The following FAHD2A variants were observed in gnomAD, a reference collection of about 807,000 sequenced individuals.
The protein encoded by FAHD2A is oxaloacetate tautomerase FAHD2A, mitochondrial.
Under a neutral mutation model 33.4 loss-of-function variants are expected in FAHD2A, and 27 were observed. That is an observed-to-expected ratio of 0.81 (90% CI 0.60 to 1.11). The LOEUF (loss-of-function observed/expected upper bound fraction) is 1.11, where lower values mean the gene tolerates loss of function less well. Ranked by LOEUF, FAHD2A falls within the 50% of genes most tolerant of loss-of-function variation. FAHD2A has a pLI of 0.00. For missense variants in FAHD2A, 296 were observed against 395.0 expected, an observed-to-expected ratio of 0.75 and a Z score of 2.12; for synonymous variants, 130 against 153.3, an observed-to-expected ratio of 0.85 and a Z score of 1.12.
chr2:95,408,526 G>A (rs1204582043), intron 3 of FAHD2A, among the ~76,000 whole-genome samples: 1 of 152,224 alleles, frequency 6.6e-6, no homozygotes, highest in African/African-American at 2.4e-5. Context: ...CATGGCAGAA[G>A]GCAAGGAGGA....
At position 95,414,019 on chromosome 2, in the gene FAHD2A, G is replaced by A; in HGVS notation, c.*1062G>A. The A allele has an allele frequency of 6.9e-7, 1 of 1,453,256 alleles. No homozygotes were observed. Among genetic ancestry groups the A allele is most frequent in the Non-Finnish European group, 9.7e-7 (1 of 1,034,936 alleles). 90.0% of individuals were successfully genotyped at this position (1,453,256 alleles called of 1,614,324 possible). On this transcript the variant is annotated 3_prime_UTR_variant, in exon 8 of 8. Transcript: ENST00000233379. ...GCAAGCTTTGGGTCTGCACACTCTG[G>A]AAAGAAGAGAGAAGTGAAGGCTCTA...
chr2:95,413,145 TG>T lies in FAHD2A; in HGVS notation c.*189del. The T allele has an allele frequency of 9.1e-7, 1 of 1,099,060 alleles. No individual in the cohort carries two copies. The highest frequency in any genetic ancestry group is 1.3e-6 in the Non-Finnish European group (1 of 778,174). The allele number at this position is 1,099,060 out of a possible 1,614,324, so 68.1% of individuals were successfully genotyped here. A position where few individuals can be genotyped will look rare whatever the true frequency, so the allele number is the denominator to read the frequency against. ...GTCAAAGCAGCAGCTTTGCTTCTGC[TG>T]TTTGTCTTCTTTTGGGCTTTGTTTC... is the stretch of plus-strand genomic sequence containing the variant. On this transcript the variant is annotated 3_prime_UTR_variant, in exon 8 of 8. Coordinates refer to ENST00000233379, the MANE Select transcript of FAHD2A (RefSeq NM_016044.3).
chr2:95,406,799 T>G, intron 2 of FAHD2A, 142 bp from the exon 3 acceptor site: 1 of 1,432,708 alleles, frequency 7.0e-7, no homozygotes, highest in African/African-American at 1.4e-5. Context: ...TCAGTGATTT[T>G]CACACTGACT....
downstream of FAHD2A, among the ~76,000 whole-genome samples, chr2:95,420,302 TC>T (rs1481380456): frequency 6.6e-6 from 1 of 152,112 alleles, no homozygotes; most frequent in Non-Finnish European, 1.5e-5. Flanking sequence ...AGCAGGTCAC[TC>T]ATGAGACATG....
intron 2 of FAHD2A, 97 bp from the exon 3 acceptor site, chr2:95,406,844 A>G: frequency 6.8e-7 from 1 of 1,468,914 alleles, no homozygotes; most frequent in Non-Finnish European, 9.0e-7. Flanking sequence ...TAGATTTCAA[A>G]AAGCAAAACC....
intron 1 of FAHD2A, among the ~76,000 whole-genome samples, chr2:95,403,671 C>CA (rs1345350599): frequency 6.6e-6 from 1 of 152,218 alleles, no homozygotes; most frequent in African/African-American, 2.4e-5. Flanking sequence ...CCAAGGACTT[C>CA]ATGTCACCTG....
In FAHD2A at chr2:95,405,636, C is replaced by T. The variant is rs1338550576; in HGVS notation, c.78C>T (p.Asp26=). ...AQKWPFQPSR[D]MRLVQFRAPH... The stretch of plus-strand genomic sequence containing the variant: ...AGTGGCCCTTTCAACCCTCCAGAGA[C>T]ATGAGACTAGTGCAGTTCCGGGCAC... The change falls in exon 2 of 8, where the codon GAC becomes GAT. Residue 26 remains aspartate, a synonymous_variant. Coordinates refer to ENST00000233379, the MANE Select transcript of FAHD2A (RefSeq NM_016044.3). 1.2e-6 allele frequency: 2 copies of T among 1,614,104 alleles called. No homozygotes were observed. Among genetic ancestry groups the T allele is most frequent in the African/African-American group, 2.7e-5 (2 of 74,944 alleles).
chr2:95,413,884 A>C lies in FAHD2A; in HGVS notation c.*927A>C. ...GCCAGCCCTGTGGGGTGATGGGAACATAGCTGGGTTTCCCTGAGCCACTCT... is the reference window on the plus strand; with the variant it reads ...GCCAGCCCTGTGGGGTGATGGGAACCTAGCTGGGTTTCCCTGAGCCACTCT... On this transcript the variant is annotated 3_prime_UTR_variant, in exon 8 of 8. Coordinates refer to ENST00000233379, the MANE Select transcript of FAHD2A (RefSeq NM_016044.3). 1.1e-6 allele frequency: 1 copy of C among 898,026 alleles called. No homozygotes were observed. Among genetic ancestry groups the C allele is most frequent in the South Asian group, 1.4e-5 (1 of 72,628 alleles). The allele number at this position is 898,026 out of a possible 1,614,324, so 55.6% of individuals were successfully genotyped here. A position where few individuals can be genotyped will look rare whatever the true frequency, so the allele number is the denominator to read the frequency against.
chr2:95,421,097 A>G (rs1683309616), downstream of FAHD2A, among the ~76,000 whole-genome samples: 1 of 138,320 alleles, frequency 7.2e-6, no homozygotes, highest in Non-Finnish European at 1.5e-5. Context: ...TCCTGCCTGA[A>G]TGACAGGCAG....
chr2:95,418,251 TGTG>T (rs1200980058), downstream of FAHD2A, among the ~76,000 whole-genome samples: 3 of 146,546 alleles, frequency 2.0e-5, no homozygotes, highest in African/African-American at 7.5e-5. Context: ...TGGGGGTGGT[TGTG>T]TGTGTGTGTG....
chr2:95,406,840 T>G, intron 2 of FAHD2A, 101 bp from the exon 3 acceptor site: 1 of 1,468,132 alleles, frequency 6.8e-7, no homozygotes, highest in Admixed American at 2.6e-5. Context: ...GAAATAGATT[T>G]CAAAAAGCAA....
intron 2 of FAHD2A, 40 bp downstream of exon 2, chr2:95,405,843 G>A (rs1385383158): frequency 1.3e-6 from 2 of 1,527,212 alleles, no homozygotes. Context: ...CAGCTGCCCT[G>A]GTCCCCCTGC....
chr2:95,403,805 CT>C (rs148402966), intron 1 of FAHD2A, among the ~76,000 whole-genome samples: 202 of 152,342 alleles, frequency 1.3e-3, no homozygotes, highest in African/African-American at 4.6e-3. Context: ...CAGTACCTAC[CT>C]TCCACAATTG....
chr2:95,418,100 A>G (rs1263182127), downstream of FAHD2A, among the ~76,000 whole-genome samples: 1 of 152,018 alleles, frequency 6.6e-6, no homozygotes, highest in African/African-American at 2.4e-5. Context: ...GCCACAATTC[A>G]CTGGATTAAT....
At chr2:95,419,607 G>C (rs899398965), downstream of FAHD2A, among the ~76,000 whole-genome samples, 9 of 152,028 alleles carry the variant, frequency 5.9e-5, no homozygotes, top group Non-Finnish European at 7.3e-5. Flanking sequence ...CAATGAAAGT[G>C]AGGAATAAAT....
In FAHD2A at chr2:95,412,347, GA is replaced by G. The variant is rs1358470741; in HGVS notation, c.686-85del. ...GAAGCCCTTTCACCTGCCAAGTCAC[GA>G]AGCACCCCTACAGTTGTGTTTGTAA... On this transcript the variant is annotated intron_variant, in intron 5 of 7. Transcript: ENST00000233379. 16 of 1,525,668 alleles carry G rather than the reference GA, an allele frequency of 1.0e-5. No individual in the cohort carries two copies. The Admixed American group carries it at 1.9e-4, about 19-fold the overall frequency. 94.5% of individuals were successfully genotyped at this position (1,525,668 alleles called of 1,614,324 possible). A position where few individuals can be genotyped will look rare whatever the true frequency, so the allele number is the denominator to read the frequency against.
In FAHD2A at chr2:95,405,613, T is replaced by C; in HGVS notation, c.55T>C (p.Trp19Arg). 1 of 1,614,034 alleles carries C rather than the reference T, an allele frequency of 6.2e-7. No homozygotes were observed. The change falls in exon 2 of 8, where the codon TGG (tryptophan) becomes CGG (arginine). Residue 19 changes from tryptophan (W) to arginine (R), a missense_variant. Trp to Arg is a moderately radical substitution (Grantham distance 101). Coordinates refer to ENST00000233379, the MANE Select transcript of FAHD2A (RefSeq NM_016044.3). The stretch of plus-strand genomic sequence containing the variant: ...CACAGTTCTGCTGCAGGCTCAGAAG[T>C]GGCCCTTTCAACCCTCCAGAGACAT... ...LLTVLLQAQK[W>R]PFQPSRDMRL...
intron 3 of FAHD2A, among the ~76,000 whole-genome samples, chr2:95,409,831 A>T (rs1461102464): frequency 6.6e-6 from 1 of 152,094 alleles, no homozygotes; most frequent in African/African-American, 2.4e-5. Flanking sequence ...AGTATATCCT[A>T]GCTTTCTGGC....
intron 1 of FAHD2A, among the ~76,000 whole-genome samples, chr2:95,403,672 A>C (rs1681078618): frequency 6.6e-6 from 1 of 152,188 alleles, no homozygotes; most frequent in South Asian, 2.1e-4. Context: ...CAAGGACTTC[A>C]TGTCACCTGG....
Sources: gnomAD v4.1 joint callset for allele counts (sites outside exome capture counted in the v4.1 genomes callset) on GRCh38, gnomAD v4.1.1 for gene constraint, MANE v1.5 for transcripts, NCBI Gene and HGNC (gene_info 2026-07-23, HGNC 2026-07-21) for gene names.